Variants in LYPLAL1 observed in about 807,000 individuals in gnomAD.
LYPLAL1 encodes the protein lysophospholipase-like protein 1.
LYPLAL1 carries 23 observed loss-of-function variants against 19.7 expected under a neutral mutation model. That is an observed-to-expected ratio of 1.17 (90% CI 0.84 to 1.65). The LOEUF is 1.65. Among genes scored for constraint, LYPLAL1 ranks in the 40% most tolerant of loss-of-function variants. The probability of loss-of-function intolerance (pLI) is 0.00; values close to 1 mark genes in which losing one functional copy is unlikely to be tolerated. For synonymous variants in LYPLAL1, 119 were observed against 96.3 expected (o/e 1.24, Z -1.38); for missense variants, 355 against 279.4 (o/e 1.27, Z -1.93).
the LYPLAL1 span, among the ~76,000 whole-genome samples, chr1:219,401,102 A>T: frequency 6.6e-6 from 1 of 152,104 alleles, no homozygotes; most frequent in Non-Finnish European, 1.5e-5. Flanking sequence ...GGGGTTAGTT[A>T]ACATTTTGTT....
chr1:219,253,171 C>T, the LYPLAL1 span, among the ~76,000 whole-genome samples: 3 of 151,746 alleles, frequency 2.0e-5, no homozygotes, highest in Admixed American at 2.0e-4. Flanking sequence ...TTTGGAGTTC[C>T]TCTATTATCT....
At chr1:219,248,065 A>G in the LYPLAL1 span, among the ~76,000 whole-genome samples, 677 of 152,270 alleles carry the variant, frequency 4.4e-3, 2 homozygotes, top group Non-Finnish European at 7.1e-3. Context: ...TTTCATTGTT[A>G]AAGAGTCAAA....
At chr1:219,176,689 A>G (rs766471429) in intron 1 of LYPLAL1, among the ~76,000 whole-genome samples, 16 of 152,160 alleles carry the variant, frequency 1.1e-4, no homozygotes, top group Non-Finnish European at 2.1e-4. Context: ...TCCCTAGGCT[A>G]ATCACAGAAG....
the LYPLAL1 span, among the ~76,000 whole-genome samples, chr1:219,228,103 A>G: frequency 6.6e-6 from 1 of 152,296 alleles, no homozygotes; most frequent in South Asian, 2.1e-4. Flanking sequence ...TAACGTCATC[A>G]AGAGAACAAA....
At position 219,212,698 on chromosome 1, in the gene LYPLAL1, A is replaced by G. The variant is rs953807082; in HGVS notation, c.*970A>G. On this transcript the variant is annotated 3_prime_UTR_variant, in exon 5 of 5. Transcript: ENST00000366928. ...CCTGCTTTCATTCAACAAAATTATC[A>G]TGAGATTTTTCCATGTTGTGTACAT... The G allele has an allele frequency of 2.0e-5, 3 of 152,058 alleles. No homozygotes were observed. Among genetic ancestry groups the G allele is most frequent in the African/African-American group, 7.2e-5 (3 of 41,448 alleles). The allele number at this position is 152,058 out of a possible 1,614,324, so 9.4% of individuals were successfully genotyped here.
the LYPLAL1 span, among the ~76,000 whole-genome samples, chr1:219,404,108 G>A: frequency 6.6e-6 from 1 of 151,796 alleles, no homozygotes; most frequent in East Asian, 1.9e-4. Context: ...AAGAGGGAGA[G>A]AGAGAAGAGA....
At chr1:219,241,696 A>C in the LYPLAL1 span, among the ~76,000 whole-genome samples, 1 of 152,224 alleles carries the variant, frequency 6.6e-6, no homozygotes, top group Non-Finnish European at 1.5e-5. Flanking sequence ...ATCTGAAATT[A>C]TTACTTACTA....
the LYPLAL1 span, among the ~76,000 whole-genome samples, chr1:219,262,943 A>G: frequency 4.6e-5 from 7 of 152,058 alleles, no homozygotes; most frequent in Non-Finnish European, 8.8e-5. Flanking sequence ...GAATTGCTGT[A>G]ATGGTTTGAG....
the LYPLAL1 span, among the ~76,000 whole-genome samples, chr1:219,429,204 G>C: frequency 3.3e-5 from 5 of 152,160 alleles, no homozygotes; most frequent in Admixed American, 3.3e-4. Flanking sequence ...GGAAACTCGA[G>C]GAGGAATAGG....
chr1:219,279,265 G>A, the LYPLAL1 span, among the ~76,000 whole-genome samples: 1 of 152,172 alleles, frequency 6.6e-6, no homozygotes, highest in African/African-American at 2.4e-5. Context: ...GAATGGCATA[G>A]TAGGTACCAA....
chr1:219,200,109 C>G (rs549393200), intron 3 of LYPLAL1: 56 of 230,496 alleles, frequency 2.4e-4, no homozygotes, highest in Non-Finnish European at 4.4e-4. Context: ...ATACAGCCTC[C>G]CATGACAGTG....
chr1:219,316,588 A>T, the LYPLAL1 span, among the ~76,000 whole-genome samples: 1 of 152,176 alleles, frequency 6.6e-6, no homozygotes, highest in Admixed American at 6.5e-5. Flanking sequence ...CTTTGTTACG[A>T]GATGTTTGTC....
chr1:219,302,616 C>T, the LYPLAL1 span, among the ~76,000 whole-genome samples: 1 of 152,080 alleles, frequency 6.6e-6, no homozygotes, highest in South Asian at 2.1e-4. Context: ...TATTTTTCAC[C>T]TTGCAGGAAC....
At chr1:219,274,051 C>T in the LYPLAL1 span, among the ~76,000 whole-genome samples, 8 of 152,172 alleles carry the variant, frequency 5.3e-5, no homozygotes, top group African/African-American at 1.9e-4. Context: ...TGAACCACCA[C>T]GCCTGGCCCT....
At chr1:219,408,527 G>A in the LYPLAL1 span, among the ~76,000 whole-genome samples, 2 of 152,072 alleles carry the variant, frequency 1.3e-5, no homozygotes, top group East Asian at 3.9e-4. Flanking sequence ...CACAGTCAAG[G>A]AAAAGGTAAT....
At chr1:219,264,028 T>A in the LYPLAL1 span, among the ~76,000 whole-genome samples, 6 of 152,206 alleles carry the variant, frequency 3.9e-5, no homozygotes, top group Admixed American at 2.6e-4. Context: ...AACTGGGAGC[T>A]GCCCATTAGT....
the LYPLAL1 span, among the ~76,000 whole-genome samples, chr1:219,381,882 C>T: frequency 2.0e-5 from 3 of 152,278 alleles, no homozygotes; most frequent in Admixed American, 1.3e-4. Context: ...CAGTACAATA[C>T]GAGCTATGGT....
chr1:219,413,209 C>T, the LYPLAL1 span, among the ~76,000 whole-genome samples: 10 of 152,088 alleles, frequency 6.6e-5, no homozygotes, highest in East Asian at 1.9e-3. Flanking sequence ...TTAGAATATG[C>T]CTTACTACAC....
At chr1:219,412,697 G>A in the LYPLAL1 span, among the ~76,000 whole-genome samples, 16 of 152,088 alleles carry the variant, frequency 1.1e-4, no homozygotes, top group Non-Finnish European at 2.2e-4. Context: ...TCATCTCTAA[G>A]AACACTGTTA....
Sources: allele counts gnomAD v4.1 joint callset (sites outside exome capture counted in the v4.1 genomes callset), GRCh38; gene constraint gnomAD v4.1.1; transcripts MANE v1.5; gene names NCBI Gene and HGNC (gene_info 2026-07-23, HGNC 2026-07-21).